The following PCDHA2 variants were observed in gnomAD, a reference collection of about 807,000 sequenced individuals.
PCDHA2 encodes the protein protocadherin alpha-2.
In PCDHA2, 58 loss-of-function variants were observed where a neutral mutation model predicts 66.0. The ratio of observed to expected loss-of-function variants is 0.88; its 90% CI spans 0.71 to 1.09. PCDHA2 has a LOEUF of 1.09. Among genes scored for constraint, PCDHA2 ranks in the 50% least tolerant of loss-of-function variants. The probability of loss-of-function intolerance (pLI) is 0.00; values close to 1 mark genes in which losing one functional copy is unlikely to be tolerated. For missense variants in PCDHA2, 1,267 were observed against 1,242.3 expected (o/e 1.02, Z -0.30); for synonymous variants, 634 against 554.0 (o/e 1.14, Z -2.03).
rs782181380 is a variant in PCDHA2 at position 140,857,975 on chromosome 5, C to A, written c.2388+60623C>A. 5 of 1,596,906 alleles carry A rather than the reference C, an allele frequency of 3.1e-6. 1 individual carries two copies. The highest frequency in any genetic ancestry group is 3.4e-6 in the Non-Finnish European group (4 of 1,167,228). On this transcript the variant is annotated intron_variant, in intron 1 of 3. Coordinates refer to ENST00000526136, the MANE Select transcript of PCDHA2 (RefSeq NM_018905.3). ...CGCTCTGGATGAGACTGACTCGCCA[C>A]GCCAGCGCCTACTGGTGCTGGTGAA...
Position 140,949,482 on chromosome 5 carries a change from A to G in PCDHA2, c.2389-29467A>G, listed in dbSNP as rs1435722195. Among the ~76,000 whole-genome samples, 4 of 151,834 alleles carry G rather than the reference A, an allele frequency of 2.6e-5. No homozygotes were observed. The South Asian group carries it at 8.3e-4, about 31-fold the overall frequency. ...TGAAGCCCTGTTATTAGGCACACACATTGATGATTATTATAATTTCCTGAT... is the reference window on the plus strand; with the variant it reads ...TGAAGCCCTGTTATTAGGCACACACGTTGATGATTATTATAATTTCCTGAT... On this transcript the variant is annotated intron_variant, in intron 1 of 3. Transcript: ENST00000526136.
At chr5:140,966,313 C>T (rs1349194825) in intron 1 of PCDHA2, 18 of 386,704 alleles carry the variant, frequency 4.7e-5, no homozygotes, top group African/African-American at 2.5e-4. Flanking sequence ...CGTGTTCCTG[C>T]GGTCCGCTGG....
At chr5:140,869,529 T>A in intron 1 of PCDHA2, 2 of 1,614,166 alleles carry the variant, frequency 1.2e-6, no homozygotes, top group Non-Finnish European at 1.7e-6. Flanking sequence ...AGCTGCTGAT[T>A]GCGGAATCTA....
At chr5:140,846,228 T>C (rs1397135837) in intron 1 of PCDHA2, among the ~76,000 whole-genome samples, 1 of 149,604 alleles carries the variant, frequency 6.7e-6, no homozygotes, top group Non-Finnish European at 1.5e-5. Flanking sequence ...AGTATTTTTC[T>C]TAAAAAGAAG....
chr5:140,929,665 AGAAT>A (rs2086286980), intron 1 of PCDHA2: 2 of 332,822 alleles, frequency 6.0e-6, no homozygotes, highest in East Asian at 1.0e-4. Flanking sequence ...TTTAAAGTGA[AGAAT>A]GAAAAATATG....
At chr5:140,939,243 T>C (rs1414943094) in intron 1 of PCDHA2, among the ~76,000 whole-genome samples, 1 of 152,168 alleles carries the variant, frequency 6.6e-6, no homozygotes, top group Non-Finnish European at 1.5e-5. Context: ...AGGAGCAAGG[T>C]AGCTCTCTGG....
At chr5:141,005,701 CAAAAAAAAAAAAAA>C (rs59860837) in intron 3 of PCDHA2, among the ~76,000 whole-genome samples, 79 of 7,792 alleles carry the variant, frequency 0.01, 1 homozygote, top group Admixed American at 0.027. Flanking sequence ...AACTCCGTCT[CAAAAAAAAAAAAAA>C]AAAAAAAAAA....
chr5:140,795,337 G>A lies in PCDHA2; in HGVS notation c.373G>A (p.Asp125Asn), dbSNP rs1237719977. The change falls in exon 1 of 4, where the codon GAC (aspartate) becomes AAC (asparagine). Residue 125 changes from aspartate to asparagine, a missense_variant. Transcript: ENST00000526136. ...TTTCCATGTGGAAGTGGAGGTGAAG[G>A]ACATTAACGACAACCCGCCAATATT... ...QVFHVEVEVK[D>N]INDNPPIFPM... 1 of 1,614,086 alleles carries A rather than the reference G, an allele frequency of 6.2e-7. No homozygotes were observed. Among genetic ancestry groups the A allele is most frequent in the African/African-American group, 1.3e-5 (1 of 74,916 alleles).
intron 3 of PCDHA2, among the ~76,000 whole-genome samples, chr5:140,992,190 A>C (rs1452489619): frequency 1.3e-5 from 2 of 152,134 alleles, no homozygotes; most frequent in African/African-American, 2.4e-5. Flanking sequence ...GCTTTCAGTG[A>C]TCTATCCAAT....
At chr5:140,969,957 G>A (rs1554232176) in intron 1 of PCDHA2, among the ~76,000 whole-genome samples, 1 of 152,178 alleles carries the variant, frequency 6.6e-6, no homozygotes, top group East Asian at 1.9e-4. Flanking sequence ...AGTTTGCTTT[G>A]GCTGTATGAT....
intron 1 of PCDHA2, chr5:140,809,586 A>T: frequency 1.3e-6 from 2 of 1,544,518 alleles, no homozygotes; most frequent in African/African-American, 2.8e-5. Context: ...AGTGTATAAC[A>T]TCCTTTTGTT....
intron 1 of PCDHA2, among the ~76,000 whole-genome samples, chr5:140,969,768 T>G (rs1250957386): frequency 1.3e-5 from 2 of 152,198 alleles, no homozygotes; most frequent in Admixed American, 1.3e-4. Context: ...CTCTGAGGCC[T>G]CTAGGGGCTA....
At chr5:140,966,950 G>A (rs782713044) in intron 1 of PCDHA2, 3 of 1,603,480 alleles carry the variant, frequency 1.9e-6, no homozygotes, top group Non-Finnish European at 2.5e-6. Flanking sequence ...GGGCAACGTG[G>A]CTCGCGCGCT....
chr5:140,843,362 AGGCAGTC>A, intron 1 of PCDHA2: 4 of 1,595,998 alleles, frequency 2.5e-6, no homozygotes, highest in Non-Finnish European at 3.4e-6. Context: ...AGCGTCATCG[AGGCAGTC>A]GGCTGGCGTT....
Position 140,883,198 on chromosome 5 carries a change from C to G in PCDHA2, c.2388+85846C>G, listed in dbSNP as rs145698462. 1.9e-6 allele frequency: 3 copies of G among 1,613,572 alleles called. No individual in the cohort carries two copies. Among genetic ancestry groups the G allele is most frequent in the Admixed American group, 1.7e-5 (1 of 59,932 alleles). On this transcript the variant is annotated intron_variant, in intron 1 of 3. Transcript: ENST00000526136. ...TTAGGACAAAAGGCAAACTAGATTT[C>G]GAAGAAAAGAAATTATATGAAATAT...
chr5:140,977,720 A>C (rs1156806702), intron 1 of PCDHA2, among the ~76,000 whole-genome samples: 1 of 152,202 alleles, frequency 6.6e-6, no homozygotes, highest in African/African-American at 2.4e-5. Flanking sequence ...GATGGTGATC[A>C]TTTCTCTCCT....
intron 1 of PCDHA2, chr5:140,862,823 C>A (rs782375120): frequency 8.7e-6 from 5 of 571,444 alleles, no homozygotes; most frequent in Admixed American, 1.9e-5. Flanking sequence ...TAGGTGAGAG[C>A]GCGCGACGCG....
chr5:140,878,139 T>G, intron 1 of PCDHA2: 1 of 191,254 alleles, frequency 5.2e-6, no homozygotes, highest in South Asian at 1.6e-4. Flanking sequence ...AGTGGCCAGA[T>G]GTTTGATAAC....
chr5:140,998,565 A>G, intron 3 of PCDHA2, among the ~76,000 whole-genome samples: 1 of 113,790 alleles, frequency 8.8e-6, no homozygotes. Context: ...TTTATTGTAA[A>G]TAAGTTTTTT....
Sources: gnomAD v4.1 joint callset for allele counts (sites outside exome capture counted in the v4.1 genomes callset) on GRCh38, gnomAD v4.1.1 for gene constraint, MANE v1.5 for transcripts, NCBI Gene and HGNC (gene_info 2026-07-23, HGNC 2026-07-21) for gene names.